MYLK: variants seen among roughly 807,000 people sequenced by gnomAD.
The protein encoded by MYLK is myosin light chain kinase, smooth muscle.
In MYLK, 106 loss-of-function variants were observed where a neutral mutation model predicts 203.4. The ratio of observed to expected loss-of-function variants is 0.52; its 90% CI spans 0.45 to 0.61. The LOEUF (loss-of-function observed/expected upper bound fraction) is 0.61, where lower values mean the gene tolerates loss of function less well. MYLK is among the 20% of genes least tolerant of loss of function. The pLI is 0.00. For synonymous variants in MYLK, 867 were observed against 959.5 expected, an observed-to-expected ratio of 0.90 and a Z score of 1.78; for missense variants, 2,072 against 2,442.3, an observed-to-expected ratio of 0.85 and a Z score of 3.20.
At chr3:123,777,857 C>G (rs758439098) in intron 4 of MYLK, among the ~76,000 whole-genome samples, 1 of 152,298 alleles carries the variant, frequency 6.6e-6, no homozygotes, top group East Asian at 1.9e-4. Context: ...CTCCAGAGTT[C>G]CCACTAGTTA....
rs572537099 is a variant in MYLK, at chr3:123,784,922, T to A, written c.165+8755A>T. Among the ~76,000 whole-genome samples, 9 of 152,326 alleles carry A rather than the reference T, an allele frequency of 5.9e-5. No individual in the cohort carries two copies. The East Asian group carries it at 1.7e-3, about 29-fold the overall frequency. ...GTCACAGGCTTGGTCATGGAGCAAG[T>A]GGGCAGATGATGGCACATCCAACAC... On this transcript the variant is annotated intron_variant, in intron 4 of 33. Transcript: ENST00000360304.
In MYLK at chr3:123,884,259, C is replaced by G. The variant is rs1577181535; in HGVS notation, c.-239G>C. ...GGGCACCGGCGCTCGGCGGGGCGCC[C>G]CGGCCGCAGGCGCACAGCGCGGGCT... On this transcript the variant is annotated 5_prime_UTR_variant, in exon 1 of 34. Coordinates refer to ENST00000360304, the MANE Select transcript of MYLK (RefSeq NM_053025.4). The G allele has an allele frequency of 6.7e-6, 1 of 148,964 alleles. No individual in the cohort carries two copies. Among genetic ancestry groups the G allele is most frequent in the African/African-American group, 2.4e-5 (1 of 41,086 alleles). The allele number at this position is 148,964 out of a possible 1,614,324, so 9.2% of individuals were successfully genotyped here. A position where few individuals can be genotyped will look rare whatever the true frequency, so the allele number is the denominator to read the frequency against.
intron 20 of MYLK, among the ~76,000 whole-genome samples, chr3:123,668,416 T>A (rs1291470695): frequency 6.8e-6 from 1 of 148,046 alleles, no homozygotes; most frequent in African/African-American, 2.5e-5. Flanking sequence ...ATTCAAAAGG[T>A]CACATACTGT....
chr3:123,720,472 C>T (rs1256471355), intron 13 of MYLK, among the ~76,000 whole-genome samples: 14 of 152,140 alleles, frequency 9.2e-5, no homozygotes, highest in Admixed American at 8.5e-4. Flanking sequence ...ACTCTTGCTG[C>T]CCCTTACTTG....
intron 13 of MYLK, among the ~76,000 whole-genome samples, chr3:123,713,579 ATGTGTGTGTGTGTGTGTG>A (rs3085274): frequency 0.078 from 10,618 of 136,424 alleles, 390 homozygotes; most frequent in South Asian, 0.13. Context: ...GAGCAACACA[ATGTGTGTGTGTGTGTGTG>A]TGTGTGTGTG....
chr3:123,686,876 G>T (rs543271393), intron 19 of MYLK, among the ~76,000 whole-genome samples: 6 of 152,162 alleles, frequency 3.9e-5, no homozygotes, highest in Non-Finnish European at 8.8e-5. Context: ...TACAAAAACA[G>T]CAATTTTATT....
intron 29 of MYLK, among the ~76,000 whole-genome samples, chr3:123,634,440 C>T (rs2058561451): frequency 6.6e-6 from 1 of 152,226 alleles, no homozygotes; most frequent in Non-Finnish European, 1.5e-5. Context: ...GACTGGGCAG[C>T]TGTCACCAGA....
chr3:123,746,884 A>G (rs2063034897), intron 5 of MYLK, among the ~76,000 whole-genome samples: 1 of 152,192 alleles, frequency 6.6e-6, no homozygotes, highest in Non-Finnish European at 1.5e-5. Context: ...TATAAAGAAC[A>G]TAAATGGGAA....
intron 24 of MYLK, among the ~76,000 whole-genome samples, chr3:123,653,116 C>A (rs1350430653): frequency 6.6e-6 from 1 of 152,050 alleles, no homozygotes; most frequent in Non-Finnish European, 1.5e-5. Context: ...AGGTCAGAGC[C>A]AACATTAGCC....
chr3:123,760,518 C>T (rs181032623), intron 4 of MYLK, among the ~76,000 whole-genome samples: 5 of 152,272 alleles, frequency 3.3e-5, no homozygotes, highest in Admixed American at 2.6e-4. Flanking sequence ...TGTACAATAC[C>T]ACATTAATAG....
intron 18 of MYLK, chr3:123,693,734 C>G (rs1358899039): frequency 6.6e-6 from 1 of 152,308 alleles, no homozygotes; most frequent in Non-Finnish European, 1.5e-5. Flanking sequence ...TACTTCTCCT[C>G]TGGGCCACCC....
At chr3:123,823,904 C>G (rs2066022528) in intron 3 of MYLK, among the ~76,000 whole-genome samples, 2 of 152,126 alleles carry the variant, frequency 1.3e-5, no homozygotes, top group Non-Finnish European at 2.9e-5. Context: ...TTGCAATGGA[C>G]AGTTTTCCTA....
chr3:123,807,556 T>C (rs1412356268), intron 3 of MYLK, among the ~76,000 whole-genome samples: 1 of 152,234 alleles, frequency 6.6e-6, no homozygotes, highest in African/African-American at 2.4e-5. Context: ...CTGCTGAGTA[T>C]GAATTTGACT....
At position 123,700,440 on chromosome 3, in the gene MYLK, T is replaced by C. The variant is rs1320927886; in HGVS notation, c.3028A>G (p.Ser1010Gly). Residue 1010 changes from serine to glycine, a missense_variant, in exon 18 of 34, where the codon AGT becomes GGT. By Grantham distance (56) the Ser-to-Gly change is moderately conservative. Transcript: ENST00000360304. Reference sequence around the variant, plus strand: ...TGTGCATTGCTCAGGGGCTTGGAACTCTCCACTGCCTTGGCATTCAGGGTC... The same window carrying C: ...TGTGCATTGCTCAGGGGCTTGGAACCCTCCACTGCCTTGGCATTCAGGGTC... Reference protein sequence around the residue: ...AETLNAKAVESSKPLSNAQPS... With the variant: ...AETLNAKAVEGSKPLSNAQPS... The C allele has an allele frequency of 1.9e-6, 3 of 1,609,888 alleles. No individual in the cohort carries two copies. The Admixed American group carries it at 5.0e-5, about 27-fold the overall frequency.
chr3:123,692,483 A>G, intron 19 of MYLK: 1 of 1,052,038 alleles, frequency 9.5e-7, no homozygotes. Context: ...TGTGGGGATC[A>G]GGACTGGGAG....
chr3:123,620,351 C>G lies in MYLK; in HGVS notation c.5239-15G>C, dbSNP rs1310609258. On this transcript the variant is annotated splice_polypyrimidine_tract_variant and intron_variant, in intron 31 of 33. Transcript: ENST00000360304. ...TTGCCCGTTTTCTGGAAAATAGACA[C>G]GAGGGTTGGACTCAGGCGTTGTCCC... The G allele has an allele frequency of 6.2e-7, 1 of 1,613,858 alleles. No individual in the cohort carries two copies. The highest frequency in any genetic ancestry group is 2.2e-5 in the East Asian group (1 of 44,880).
intron 3 of MYLK, 61 bp from the exon 4 acceptor site, chr3:123,793,905 T>C: frequency 6.3e-7 from 1 of 1,592,192 alleles, no homozygotes; most frequent in Non-Finnish European, 8.6e-7. Context: ...TGTCTTCCCT[T>C]CAGGCATCAG....
At chr3:123,664,081 A>C in intron 23 of MYLK, 24 bp downstream of exon 23, 2 of 1,613,638 alleles carry the variant, frequency 1.2e-6, no homozygotes, top group South Asian at 2.2e-5. Flanking sequence ...CCCAAGCTCC[A>C]TGCCACCCAG....
chr3:123,666,279 C>T lies in MYLK; in HGVS notation c.3771G>A (p.Leu1257=), dbSNP rs748739195. Residue 1257 remains leucine, a synonymous_variant, in exon 22 of 34, where the codon CTG becomes CTA. Transcript: ENST00000360304. Reference sequence around the variant, plus strand: ...GCTGAGTGCCTGTCACTTTGCCAAACAGCTCCACTGACTCTCCTGCGCGTA... The same window carrying T: ...GCTGAGTGCCTGTCACTTTGCCAAATAGCTCCACTGACTCTCCTGCGCGTA... The part of the protein sequence containing the change: ...QKVRAGESVE[L]FGKVTGTQPI... The T allele has an allele frequency of 3.1e-6, 5 of 1,614,232 alleles. No individual in the cohort carries two copies. The African/African-American group carries it at 4.0e-5, about 13-fold the overall frequency.
Sources: allele counts gnomAD v4.1 joint callset (sites outside exome capture counted in the v4.1 genomes callset), GRCh38; gene constraint gnomAD v4.1.1; transcripts MANE v1.5; gene names NCBI Gene and HGNC (gene_info 2026-07-23, HGNC 2026-07-21).